The following NPAS2 variants were observed in gnomAD, a reference collection of about 807,000 sequenced individuals.
The protein encoded by NPAS2 is neuronal PAS domain-containing protein 2.
A neutral mutation model predicts 107.5 loss-of-function variants in NPAS2; 23 were observed. That is an observed-to-expected ratio of 0.21 (90% CI 0.15 to 0.30). NPAS2 has a LOEUF of 0.30. Ranked by LOEUF, NPAS2 falls within the 10% of genes least tolerant of loss-of-function variation. NPAS2 has a pLI of 1.00. For missense variants in NPAS2, 756 were observed against 1,043.3 expected, an observed-to-expected ratio of 0.72 and a Z score of 3.79; for synonymous variants, 403 against 417.5, an observed-to-expected ratio of 0.97 and a Z score of 0.42.
chr2:100,902,188 T>G (rs1209144599), intron 1 of NPAS2, among the ~76,000 whole-genome samples: 1 of 152,202 alleles, frequency 6.6e-6, no homozygotes, highest in African/African-American at 2.4e-5. Flanking sequence ...AGAGGACTGC[T>G]TTTCTTCCCT....
intron 5 of NPAS2, among the ~76,000 whole-genome samples, chr2:100,943,797 T>TG (rs1674723041): frequency 6.6e-6 from 1 of 152,188 alleles, no homozygotes; most frequent in Non-Finnish European, 1.5e-5. Flanking sequence ...ACCTCATCCA[T>TG]GGGTCTGTGT....
chr2:100,953,592 C>T (rs1573709057), intron 7 of NPAS2, among the ~76,000 whole-genome samples: 1 of 152,166 alleles, frequency 6.6e-6, no homozygotes, highest in African/African-American at 2.4e-5. Flanking sequence ...GTGTAATCCT[C>T]GCCACAGCCT....
intron 11 of NPAS2, among the ~76,000 whole-genome samples, chr2:100,970,228 G>C (rs1007361149): frequency 2.0e-5 from 3 of 152,186 alleles, no homozygotes; most frequent in Non-Finnish European, 4.4e-5. Context: ...GGAAGGCTGG[G>C]CAGCACTCAC....
At chr2:100,989,958 T>C (rs550570294) in intron 17 of NPAS2, 124 of 365,474 alleles carry the variant, frequency 3.4e-4, no homozygotes, top group Non-Finnish European at 4.6e-4. Flanking sequence ...GCCTGGTGAG[T>C]TGGAGAAACA....
Position 100,965,039 on chromosome 2 carries a change from C to T in NPAS2, c.800+96C>T. 1 of 787,312 alleles carries T rather than the reference C, an allele frequency of 1.3e-6. No individual in the cohort carries two copies. The allele number at this position is 787,312 out of a possible 1,614,324, so 48.8% of individuals were successfully genotyped here. Reference sequence around the variant, plus strand: ...TGGGAGAGAAGAGTCGGCCCTGGTCCATTGAAAGAGGAGGACTCTCTGGCA... The same window carrying T: ...TGGGAGAGAAGAGTCGGCCCTGGTCTATTGAAAGAGGAGGACTCTCTGGCA... On this transcript the variant is annotated intron_variant, in intron 9 of 20. Coordinates refer to ENST00000335681, the MANE Select transcript of NPAS2 (RefSeq NM_002518.4). The surrounding 1 kb of genome is among the most constrained non-coding windows in gnomAD (Gnocchi z 4.3).
intron 1 of NPAS2, among the ~76,000 whole-genome samples, chr2:100,880,546 C>T (rs1356832557): frequency 6.6e-6 from 1 of 152,120 alleles, no homozygotes; most frequent in East Asian, 1.9e-4. Flanking sequence ...GTTGTATAGT[C>T]CCTCTCTGTG....
At chr2:100,875,383 A>T (rs1409462786) in intron 1 of NPAS2, among the ~76,000 whole-genome samples, 2 of 152,192 alleles carry the variant, frequency 1.3e-5, no homozygotes, top group African/African-American at 4.8e-5. Context: ...ACATTTAAAG[A>T]CAGTTAAAAT....
At chr2:100,837,698 GC>G (rs1236757067) in intron 1 of NPAS2, among the ~76,000 whole-genome samples, 1 of 152,186 alleles carries the variant, frequency 6.6e-6, no homozygotes, top group Non-Finnish European at 1.5e-5. Flanking sequence ...CTTGGGGTTA[GC>G]TGCTAATCTG....
Position 100,935,247 on chromosome 2 carries a change from A to G in NPAS2, c.273+2246A>G, listed in dbSNP as rs541185755. On this transcript the variant is annotated intron_variant, in intron 4 of 20. Transcript: ENST00000335681. Reference sequence around the variant, plus strand: ...GAGCTTGTGGAATTTCTGAATTTTAATCAGAAAAGCAATCTCTTCTCTTAG... The same window carrying G: ...GAGCTTGTGGAATTTCTGAATTTTAGTCAGAAAAGCAATCTCTTCTCTTAG... 5 of 216,512 alleles carry G rather than the reference A, an allele frequency of 2.3e-5. No homozygotes were observed. In the East Asian group the frequency reaches 7.3e-4, roughly 32 times the overall value. 13.4% of individuals were successfully genotyped at this position (216,512 alleles called of 1,614,324 possible). A position where few individuals can be genotyped will look rare whatever the true frequency, so the allele number is the denominator to read the frequency against.
In NPAS2 at chr2:100,820,213, G is replaced by C. The variant is rs1370593731; in HGVS notation, c.-224G>C. 1.3e-5 allele frequency: 2 copies of C among 150,024 alleles called. No individual in the cohort carries two copies. Among genetic ancestry groups the C allele is most frequent in the Admixed American group, 1.3e-4 (2 of 14,938 alleles). The allele number at this position is 150,024 out of a possible 1,614,324, so 9.3% of individuals were successfully genotyped here. A position where few individuals can be genotyped will look rare whatever the true frequency, so the allele number is the denominator to read the frequency against. Reference sequence around the variant, plus strand: ...AGGGACCCGCGCGGCTGCGGCCCAGGAGCGGCGGCCGCGGAGCCCGGAGAC... The same window carrying C: ...AGGGACCCGCGCGGCTGCGGCCCAGCAGCGGCGGCCGCGGAGCCCGGAGAC... On this transcript the variant is annotated 5_prime_UTR_variant, in exon 1 of 21. Coordinates refer to ENST00000335681, the MANE Select transcript of NPAS2 (RefSeq NM_002518.4). The surrounding 1 kb of genome is among the most constrained non-coding windows in gnomAD (Gnocchi z 5.6).
chr2:100,895,079 G>A (rs992612969), intron 1 of NPAS2, among the ~76,000 whole-genome samples: 10 of 150,542 alleles, frequency 6.6e-5, no homozygotes, highest in East Asian at 5.8e-4. Flanking sequence ...TCTAGACAGC[G>A]TATGTGTGTC....
intron 1 of NPAS2, among the ~76,000 whole-genome samples, chr2:100,830,889 G>A (rs1220633781): frequency 6.6e-6 from 1 of 152,214 alleles, no homozygotes; most frequent in Non-Finnish European, 1.5e-5. Flanking sequence ...TGTTGACAAA[G>A]TGTTGACAGT....
chr2:100,835,331 A>C (rs1281083807), intron 1 of NPAS2, among the ~76,000 whole-genome samples: 2 of 152,198 alleles, frequency 1.3e-5, no homozygotes, highest in Non-Finnish European at 2.9e-5. Context: ...TGAAGAAAAT[A>C]GGATGTGTGT....
At chr2:100,987,951 A>G in intron 16 of NPAS2, 128 bp from the exon 17 acceptor site, 1 of 972,452 alleles carries the variant, frequency 1.0e-6, no homozygotes. Flanking sequence ...CCACCAGTGG[A>G]GTAAATGAAC....
chr2:100,962,193 T>A (rs1291239399), intron 7 of NPAS2, among the ~76,000 whole-genome samples: 1 of 152,224 alleles, frequency 6.6e-6, no homozygotes, highest in Non-Finnish European at 1.5e-5. Context: ...TTTATATTCA[T>A]GTTTGGAAAC....
chr2:100,871,825 G>T (rs1045174901), intron 1 of NPAS2, among the ~76,000 whole-genome samples: 33 of 152,074 alleles, frequency 2.2e-4, no homozygotes, highest in African/African-American at 8.0e-4. Flanking sequence ...CATTGTAGTA[G>T]CTTGCCCTTG....
At chr2:100,839,865 C>T (rs1314907981) in intron 1 of NPAS2, among the ~76,000 whole-genome samples, 1 of 152,086 alleles carries the variant, frequency 6.6e-6, no homozygotes, top group Admixed American at 6.6e-5. Context: ...AGTCCATCTT[C>T]TTCTATAGAT....
chr2:100,942,903 G>A (rs1036848164), intron 5 of NPAS2, among the ~76,000 whole-genome samples: 1 of 152,134 alleles, frequency 6.6e-6, no homozygotes, highest in Non-Finnish European at 1.5e-5. Flanking sequence ...GCCTCACACT[G>A]GCAGATGTAG....
At chr2:100,955,939 CTG>C (rs984831175) in intron 7 of NPAS2, among the ~76,000 whole-genome samples, 15 of 152,158 alleles carry the variant, frequency 9.9e-5, no homozygotes, top group African/African-American at 3.1e-4. Flanking sequence ...GGATCTCACT[CTG>C]TCACACAGAC....
Sources: allele counts gnomAD v4.1 joint callset (sites outside exome capture counted in the v4.1 genomes callset), GRCh38; gene constraint gnomAD v4.1.1; non-coding constraint Gnocchi (gnomAD v3.1); transcripts MANE v1.5; gene names NCBI Gene and HGNC (gene_info 2026-07-23, HGNC 2026-07-21).